Variants in CSAD observed in about 807,000 individuals in gnomAD.
The protein encoded by CSAD is cysteine sulfinic acid decarboxylase, also known as P-selectin cytoplasmic tail-associated protein.
In CSAD, 47 loss-of-function variants were observed where a neutral mutation model predicts 61.5. The ratio of observed to expected loss-of-function variants is 0.76; its 90% CI spans 0.60 to 0.97. The LOEUF (loss-of-function observed/expected upper bound fraction) is 0.97. Ranked by LOEUF, CSAD falls within the 50% of genes least tolerant of loss-of-function variation. CSAD has a pLI of 0.00. For synonymous variants in CSAD, 245 were observed against 252.7 expected (o/e 0.97, Z 0.29); for missense variants, 611 against 643.6 (o/e 0.95, Z 0.55).
At chr12:53,173,171 G>A in intron 4 of CSAD, 174 bp downstream of exon 4, 1 of 619,494 alleles carries the variant, frequency 1.6e-6, no homozygotes, top group Non-Finnish European at 2.7e-6. Context: ...TTGTGCCACT[G>A]CACTCCAGCC....
At chr12:53,159,409 C>G (rs1046984479) in intron 16 of CSAD, among the ~76,000 whole-genome samples, 2 of 152,228 alleles carry the variant, frequency 1.3e-5, no homozygotes, top group African/African-American at 4.8e-5. Flanking sequence ...CTGGTGACTT[C>G]TCTGACTTCT....
At chr12:53,161,090 G>C in intron 12 of CSAD, 37 bp downstream of exon 12, 1 of 1,599,934 alleles carries the variant, frequency 6.3e-7, no homozygotes, top group Non-Finnish European at 8.6e-7. Flanking sequence ...CCAATGGTTT[G>C]AAGGGCGGGA....
At chr12:53,180,121 G>A (rs1941453185) in intron 1 of CSAD, 1 of 1,304,698 alleles carries the variant, frequency 7.7e-7, no homozygotes, top group Non-Finnish European at 9.7e-7. Flanking sequence ...TGTGGCCAAG[G>A]GCTACTCAAG....
In CSAD at chr12:53,160,234, T is replaced by A; in HGVS notation, c.1052A>T (p.Asp351Val). The A allele has an allele frequency of 6.2e-7, 1 of 1,614,178 alleles. No homozygotes were observed. The highest frequency in any genetic ancestry group is 8.5e-7 in the Non-Finnish European group (1 of 1,180,016). The change falls in exon 14 of 17, where the codon GAC becomes GTC. Residue 351 changes from aspartate (D) to valine (V), a missense_variant. Transcript: ENST00000444623. ...KFYDVALDTG[D>V]KVVQCGRRVD... ...ACGGCGGCCACACTGCACCACCTTG[T>A]CTCCCGTGTCCAGAGCCACATCGTA...
rs987017936 is a variant in CSAD at position 53,173,862 on chromosome 12, C to T, written c.-49-92G>A. Reference sequence around the variant, plus strand: ...CATAAATTCACAAAGTTGTTGCAACCATCATCACTATCTAACGCCAGAACA... The same window carrying T: ...CATAAATTCACAAAGTTGTTGCAACTATCATCACTATCTAACGCCAGAACA... On this transcript the variant is annotated intron_variant, in intron 2 of 16. Coordinates refer to ENST00000444623, the MANE Select transcript of CSAD (RefSeq NM_001244705.2). 5.5e-6 allele frequency: 7 copies of T among 1,274,706 alleles called. No individual in the cohort carries two copies. In the East Asian group the frequency reaches 9.9e-5, roughly 18 times the overall value. 79.0% of individuals were successfully genotyped at this position (1,274,706 alleles called of 1,614,324 possible). A position where few individuals can be genotyped will look rare whatever the true frequency, so the allele number is the denominator to read the frequency against.
intron 10 of CSAD, chr12:53,166,395 T>G (rs1275482039): frequency 1.3e-5 from 2 of 155,560 alleles, no homozygotes; most frequent in Non-Finnish European, 2.8e-5. Context: ...TATAAGTACT[T>G]AGAGTAGTCA....
At chr12:53,176,234 AC>A (rs1941094876) in intron 2 of CSAD, among the ~76,000 whole-genome samples, 1 of 151,976 alleles carries the variant, frequency 6.6e-6, no homozygotes, top group African/African-American at 2.4e-5. Flanking sequence ...ACATGGTGAA[AC>A]CCCGTCTCTA....
At chr12:53,175,463 C>A (rs910126767) in intron 2 of CSAD, among the ~76,000 whole-genome samples, 1 of 152,176 alleles carries the variant, frequency 6.6e-6, no homozygotes, top group African/African-American at 2.4e-5. Flanking sequence ...TCCCAATCAA[C>A]AAACCCTAGT....
rs150709172 is a variant in CSAD at position 53,165,266 on chromosome 12, A to G, written c.703-3877T>C. On this transcript the variant is annotated intron_variant, in intron 10 of 16. Transcript: ENST00000444623. ...TGAGATGGGAGAATCATTTGAGCCC[A>G]GGAGGTCGAGGCTGCAGTGAACCAT... Among the ~76,000 whole-genome samples, 519 of 152,158 alleles carry G rather than the reference A, an allele frequency of 3.4e-3. 2 individuals carry two copies. The highest frequency in any genetic ancestry group is 0.012 in the African/African-American group (491 of 41,506).
intron 10 of CSAD, among the ~76,000 whole-genome samples, chr12:53,166,775 G>A (rs1214487522): frequency 6.6e-6 from 1 of 152,040 alleles, no homozygotes; most frequent in East Asian, 1.9e-4. Flanking sequence ...TAGCCTGGGG[G>A]ACAGAGTGAT....
intron 8 of CSAD, 191 bp downstream of exon 8, chr12:53,171,134 GC>G: frequency 2.5e-6 from 2 of 805,626 alleles, no homozygotes; most frequent in South Asian, 1.5e-5. Context: ...CCCCTCCTCT[GC>G]CCCCAAACAG....
chr12:53,173,212 G>A, intron 4 of CSAD, 133 bp downstream of exon 4: 1 of 846,618 alleles, frequency 1.2e-6, no homozygotes, highest in South Asian at 1.9e-5. Flanking sequence ...TGTCAAGAAA[G>A]AAAGGAAGAA....
Position 53,171,908 on chromosome 12 carries a change from C to A in CSAD, c.425G>T (p.Ser142Ile). ...LRKLRALVGW[S>I]SGDGIFCPGG... is the part of the protein sequence containing the mutation. ...AGGGCAGAAGATTCCGTCCCCAGAG[C>A]TCCAGCCCACCAGGGCCCGCAGTTT... The change falls in exon 7 of 17, where the codon AGC becomes ATC. Residue 142 changes from serine to isoleucine, a missense_variant. Ser to Ile is a moderately radical substitution (Grantham distance 142). Coordinates refer to ENST00000444623, the MANE Select transcript of CSAD (RefSeq NM_001244705.2). 1 of 1,613,916 alleles carries A rather than the reference C, an allele frequency of 6.2e-7. No individual in the cohort carries two copies. The highest frequency in any genetic ancestry group is 8.5e-7 in the Non-Finnish European group (1 of 1,179,834).
chr12:53,169,161 CACA>C (rs1490740707), intron 10 of CSAD, among the ~76,000 whole-genome samples: 2 of 150,778 alleles, frequency 1.3e-5, no homozygotes, highest in Non-Finnish European at 2.9e-5. Context: ...GCCTGGGTGA[CACA>C]ACGAGACTCT....
At chr12:53,172,111 G>A (rs1940655166) in intron 6 of CSAD, 123 bp from the exon 7 acceptor site, 4 of 754,802 alleles carry the variant, frequency 5.3e-6, no homozygotes. Flanking sequence ...AGTCCAAGGA[G>A]AAGAACGAGT....
chr12:53,168,140 T>C (rs1308544191), intron 10 of CSAD, among the ~76,000 whole-genome samples: 1 of 152,214 alleles, frequency 6.6e-6, no homozygotes, highest in Non-Finnish European at 1.5e-5. Context: ...GCATGCATAA[T>C]ATGATTCCAG....
At chr12:53,178,501 T>C (rs556527106) in intron 2 of CSAD, 3 of 356,306 alleles carry the variant, frequency 8.4e-6, no homozygotes, top group Non-Finnish European at 1.7e-5. Context: ...TTAAACAGAA[T>C]GAAAATAGGG....
In CSAD at chr12:53,172,443, AAGG is replaced by A; in HGVS notation, c.254-10_254-8del. The A allele has an allele frequency of 6.2e-7, 1 of 1,614,112 alleles. No individual in the cohort carries two copies. Among genetic ancestry groups the A allele is most frequent in the Non-Finnish European group, 8.5e-7 (1 of 1,179,994 alleles). On this transcript the variant is annotated splice_polypyrimidine_tract_variant and splice_region_variant and intron_variant, in intron 5 of 16. Coordinates refer to ENST00000444623, the MANE Select transcript of CSAD (RefSeq NM_001244705.2). ...TTGAAGAACCGAGGGTGACCTGGAG[AAGG>A]AGAGTAAGCCAGGGAGCTCAGAGTA...
In CSAD at chr12:53,162,693, C is replaced by A. The variant is rs576964263; in HGVS notation, c.703-1304G>T. 3.3e-5 allele frequency among the ~76,000 whole-genome samples: 5 copies of A among 152,194 alleles called. No homozygotes were observed. The East Asian group carries it at 7.7e-4, about 24-fold the overall frequency. ...ATCCCAGCACTTTGGGAGGCCAAGG[C>A]AGGAGAATTGCTTGAGCCTAGGAGT... On this transcript the variant is annotated intron_variant, in intron 10 of 16. Transcript: ENST00000444623.
Sources: allele counts gnomAD v4.1 joint callset (sites outside exome capture counted in the v4.1 genomes callset), GRCh38; gene constraint gnomAD v4.1.1; transcripts MANE v1.5; gene names NCBI Gene and HGNC (gene_info 2026-07-23, HGNC 2026-07-21).